Variants in CSMD1 observed in about 807,000 individuals in gnomAD.
CSMD1 encodes CUB and sushi domain-containing protein 1.
CSMD1 carries 213 observed loss-of-function variants against 417.5 expected under a neutral mutation model. The observed-to-expected ratio is 0.51, with a 90% CI of 0.46 to 0.57. The LOEUF is 0.57. Ranked by LOEUF, CSMD1 falls within the 20% of genes least tolerant of loss-of-function variation. The pLI is 0.00. For synonymous variants in CSMD1, 2,862 were observed against 1,736.8 expected, an observed-to-expected ratio of 1.65 and a Z score of -16.11; for missense variants, 6,923 against 4,529.7, an observed-to-expected ratio of 1.53 and a Z score of -15.17.
rs566231106 is a variant in CSMD1 at position 3,517,294 on chromosome 8, G to C, written c.1345-23568C>G. 3.3e-5 allele frequency among the ~76,000 whole-genome samples: 5 copies of C among 152,278 alleles called. No individual in the cohort carries two copies. The South Asian group carries it at 1.0e-3, about 32-fold the overall frequency. ...GTGAATCACAAGAGAACAAAAGATGGAAAGAAGAGGGCTGGCAGAGAACAG... is the reference window on the plus strand; with the variant it reads ...GTGAATCACAAGAGAACAAAAGATGCAAAGAAGAGGGCTGGCAGAGAACAG... On this transcript the variant is annotated intron_variant, in intron 10 of 69. Coordinates refer to ENST00000635120, the MANE Select transcript of CSMD1 (RefSeq NM_033225.6).
intron 2 of CSMD1, 39 bp from the exon 3 acceptor site, chr8:4,420,104 ATG>A: frequency 1.4e-6 from 2 of 1,443,416 alleles, no homozygotes; most frequent in Admixed American, 2.0e-5. Flanking sequence ...AGTTAAAAGC[ATG>A]AATTTGTCAA....
chr8:3,123,618 A>AT (rs397746564), intron 41 of CSMD1, among the ~76,000 whole-genome samples: 1 of 152,028 alleles, frequency 6.6e-6, no homozygotes, highest in African/African-American at 2.4e-5. Context: ...AGAAAAAAAA[A>AT]CATGGAAAGC....
Position 2,990,268 on chromosome 8 carries a change from T to C in CSMD1, c.8377+7743A>G, listed in dbSNP as rs369684942. On this transcript the variant is annotated intron_variant, in intron 54 of 69. Transcript: ENST00000635120. Reference sequence around the variant, plus strand: ...CATCGCCATTCCGGTCCTCATAGTTTCTTGTAGATGTGCGGATTTCATGTA... The same window carrying C: ...CATCGCCATTCCGGTCCTCATAGTTCCTTGTAGATGTGCGGATTTCATGTA... Among the ~76,000 whole-genome samples the C allele has an allele frequency of 6.0e-4, 92 of 152,318 alleles. 1 individual carries two copies. In the South Asian group the frequency reaches 0.018, roughly 30 times the overall value.
At chr8:4,035,131 G>C (rs898697590) in intron 3 of CSMD1, among the ~76,000 whole-genome samples, 1 of 151,978 alleles carries the variant, frequency 6.6e-6, no homozygotes, top group Non-Finnish European at 1.5e-5. Flanking sequence ...TCAATGATAC[G>C]ACTCATATAC....
chr8:4,961,235 T>A (rs985290226), intron 1 of CSMD1, among the ~76,000 whole-genome samples: 6 of 152,190 alleles, frequency 3.9e-5, no homozygotes, highest in African/African-American at 1.4e-4. Flanking sequence ...CCCTAACACT[T>A]CTGCAGTTAT....
intron 23 of CSMD1, among the ~76,000 whole-genome samples, chr8:3,328,807 T>C (rs1309615973): frequency 6.6e-6 from 1 of 152,222 alleles, no homozygotes; most frequent in Non-Finnish European, 1.5e-5. Flanking sequence ...TTAAATTAAA[T>C]TGGGGAATTA....
intron 1 of CSMD1, among the ~76,000 whole-genome samples, chr8:4,664,735 A>G (rs1376445948): frequency 6.6e-6 from 1 of 152,190 alleles, no homozygotes; most frequent in Non-Finnish European, 1.5e-5. Flanking sequence ...AAAAGTGTAG[A>G]TGCTAATCTT....
chr8:3,899,755 G>C (rs530547034), intron 5 of CSMD1, among the ~76,000 whole-genome samples: 2 of 152,266 alleles, frequency 1.3e-5, no homozygotes, highest in East Asian at 3.9e-4. Context: ...AGGGCTGTAT[G>C]ACCAGCTTTC....
intron 3 of CSMD1, among the ~76,000 whole-genome samples, chr8:4,409,386 T>C (rs1292043200): frequency 6.6e-6 from 1 of 152,174 alleles, no homozygotes; most frequent in Non-Finnish European, 1.5e-5. Context: ...AAAGATAATT[T>C]ACCCTTTCTC....
chr8:4,511,660 A>C (rs370279992), intron 2 of CSMD1, among the ~76,000 whole-genome samples: 17 of 152,262 alleles, frequency 1.1e-4, no homozygotes, highest in African/African-American at 4.1e-4. Flanking sequence ...ACCCACAAGC[A>C]CAAAGCTCCA....
intron 6 of CSMD1, among the ~76,000 whole-genome samples, chr8:3,731,450 G>C (rs76813767): frequency 1.4e-3 from 207 of 152,264 alleles, no homozygotes; most frequent in African/African-American, 4.7e-3. Context: ...ATGACTACCA[G>C]TTTTAACCCC....
intron 1 of CSMD1, among the ~76,000 whole-genome samples, chr8:4,653,552 T>C (rs757908107): frequency 1.3e-5 from 2 of 152,096 alleles, no homozygotes; most frequent in South Asian, 4.1e-4. Context: ...TCATTTCTAC[T>C]TGTTTCAAAA....
chr8:4,361,056 T>A (rs565782195), intron 3 of CSMD1, among the ~76,000 whole-genome samples: 2 of 152,182 alleles, frequency 1.3e-5, no homozygotes, highest in Non-Finnish European at 2.9e-5. Flanking sequence ...AAAAACTGGA[T>A]TTTTCGTGCC....
intron 26 of CSMD1, among the ~76,000 whole-genome samples, chr8:3,251,900 T>C (rs1299634941): frequency 2.6e-5 from 4 of 152,222 alleles, no homozygotes; most frequent in African/African-American, 9.6e-5. Context: ...CTTGTGATTT[T>C]TGCACATTGA....
chr8:3,912,533 C>A (rs1047841452), intron 5 of CSMD1, among the ~76,000 whole-genome samples: 3 of 152,068 alleles, frequency 2.0e-5, no homozygotes, highest in Non-Finnish European at 4.4e-5. Context: ...ACAGAGGGGG[C>A]TGGTTAATCT....
intron 3 of CSMD1, among the ~76,000 whole-genome samples, chr8:4,303,030 G>A (rs1013994402): frequency 1.3e-5 from 2 of 151,978 alleles, no homozygotes; most frequent in African/African-American, 4.8e-5. Context: ...TGGCACTTTT[G>A]TGTTTAGGGA....
chr8:4,413,532 C>A (rs954612353), intron 3 of CSMD1, among the ~76,000 whole-genome samples: 1 of 152,110 alleles, frequency 6.6e-6, no homozygotes, highest in Non-Finnish European at 1.5e-5. Flanking sequence ...TGTTAGTGTT[C>A]ATGTACTGAC....
At chr8:4,058,251 T>C (rs1798799211) in intron 3 of CSMD1, among the ~76,000 whole-genome samples, 2 of 152,078 alleles carry the variant, frequency 1.3e-5, no homozygotes, top group African/African-American at 4.8e-5. Context: ...GTCCTTCACA[T>C]CCCTTGTAAG....
chr8:3,077,331 T>C (rs185187469), intron 49 of CSMD1, among the ~76,000 whole-genome samples: 1 of 152,090 alleles, frequency 6.6e-6, no homozygotes, highest in Non-Finnish European at 1.5e-5. Context: ...GCAGACTGCC[T>C]GGGGACTGAG....
Sources: allele counts gnomAD v4.1 joint callset (sites outside exome capture counted in the v4.1 genomes callset), GRCh38; gene constraint gnomAD v4.1.1; transcripts MANE v1.5; gene names NCBI Gene and HGNC (gene_info 2026-07-23, HGNC 2026-07-21).